PLCH2: variants seen among roughly 807,000 people sequenced by gnomAD.
PLCH2 encodes phospholipase C eta 2.
A neutral mutation model predicts 134.7 loss-of-function variants in PLCH2; 98 were observed. The ratio of observed to expected loss-of-function variants is 0.73; its 90% CI spans 0.62 to 0.86. The LOEUF is 0.86. Among genes scored for constraint, PLCH2 ranks in the 40% least tolerant of loss-of-function variants. PLCH2 has a pLI of 0.00. For missense variants in PLCH2, 1,994 were observed against 1,986.6 expected (o/e 1.00, Z -0.07); for synonymous variants, 974 against 827.5 (o/e 1.18, Z -3.04).
intron 2 of PLCH2, among the ~76,000 whole-genome samples, chr1:2,460,696 C>G (rs931156186): frequency 1.3e-5 from 2 of 152,178 alleles, no homozygotes; most frequent in African/African-American, 4.8e-5. Context: ...GCTGGTGAGG[C>G]TGAAGGGGCT....
intron 20 of PLCH2, 117 bp downstream of exon 20, chr1:2,499,837 G>T (rs925315356): frequency 8.6e-6 from 7 of 810,708 alleles, no homozygotes; most frequent in Non-Finnish European, 1.4e-5. Context: ...GAGGCCTAGG[G>T]TCCCCTCCCC....
rs183978068 is a variant in PLCH2, at chr1:2,483,977, T to C, written c.646-471T>C. Among the ~76,000 whole-genome samples, 8 of 73,358 alleles carry C rather than the reference T, an allele frequency of 1.1e-4. 3 individuals carry two copies. Among genetic ancestry groups the C allele is most frequent in the African/African-American group, 5.2e-4 (8 of 15,452 alleles). 48.1% of individuals were successfully genotyped at this position (73,358 alleles called of 152,430 possible). On this transcript the variant is annotated intron_variant, in intron 4 of 21. Transcript: ENST00000378486. ...GACTCCCGTGTGGGGGGGCGCTGAC[T>C]CCCGTGTGGGGGGGCGCTGACTCCC...
chr1:2,487,275 C>A lies in PLCH2; in HGVS notation c.1013C>A (p.Thr338Asn), dbSNP rs754490334. 1.9e-6 allele frequency: 3 copies of A among 1,613,750 alleles called. No individual in the cohort carries two copies. The highest frequency in any genetic ancestry group is 2.2e-5 in the South Asian group (2 of 91,010). The change falls in exon 7 of 22, where the codon ACC (threonine) becomes AAC (asparagine). Residue 338 changes from threonine to asparagine, a missense_variant. Coordinates refer to ENST00000378486, the MANE Select transcript of PLCH2 (RefSeq NM_014638.4). The part of the protein sequence containing the change: ...MTQPLSHYFI[T>N]SSHNTYLVGD... ...CAGCCGCTGAGCCACTACTTCATCA[C>A]CTCGTCCCACAACACCTACCTCGTG...
chr1:2,498,524 C>A lies in PLCH2; in HGVS notation c.2226C>A (p.Gly742=). Residue 742 remains glycine (G), a splice_region_variant and synonymous_variant, in exon 17 of 22, where the codon GGC becomes GGA. Transcript: ENST00000378486. The surrounding 1 kb of genome is among the most constrained non-coding windows in gnomAD (Gnocchi z 5.4). The part of the protein sequence containing the change: ...YVLKPGCMCQ[G]VFNPNSEDPL... ...ACCACCTCCCCGGCATCCCCTCAGG[C>A]GTGTTCAACCCCAACTCGGAGGACC... 6.2e-7 allele frequency: 1 copy of A among 1,607,790 alleles called. No individual in the cohort carries two copies. Among genetic ancestry groups the A allele is most frequent in the South Asian group, 1.1e-5 (1 of 90,240 alleles).
At chr1:2,471,328 G>T (rs1208674114), upstream of PLCH2, among the ~76,000 whole-genome samples, 1 of 152,050 alleles carries the variant, frequency 6.6e-6, no homozygotes, top group African/African-American at 2.4e-5. Context: ...TGGAGGCCTG[G>T]GCTGGGCAGG....
At position 2,489,191 on chromosome 1, in the gene PLCH2, T is replaced by G. The variant is rs561439518; in HGVS notation, c.1236-16T>G. 2.0e-5 allele frequency: 32 copies of G among 1,611,964 alleles called. No homozygotes were observed. Among genetic ancestry groups the G allele is most frequent in the Non-Finnish European group, 2.5e-5 (30 of 1,178,702 alleles). On this transcript the variant is annotated splice_polypyrimidine_tract_variant and intron_variant, in intron 8 of 21. Transcript: ENST00000378486. ...GGCCCTGGCCTCATCCTGCTCTTTCTGCCTTGGGGCCACAGGTACCCAGTG... is the reference window on the plus strand; with the variant it reads ...GGCCCTGGCCTCATCCTGCTCTTTCGGCCTTGGGGCCACAGGTACCCAGTG...
chr1:2,503,823 C>T lies in PLCH2; in HGVS notation c.2960-99C>T, dbSNP rs1643372875. ...GACCCTCGGCACAGGGCACCGGGGA[C>T]ACCACCCTGATCCGACTCCTCTCCG... On this transcript the variant is annotated intron_variant, in intron 21 of 21. Transcript: ENST00000378486. The T allele has an allele frequency of 4.8e-6, 3 of 628,516 alleles. No individual in the cohort carries two copies. The South Asian group carries it at 5.4e-5, about 11-fold the overall frequency. 38.9% of individuals were successfully genotyped at this position (628,516 alleles called of 1,614,324 possible). A position where few individuals can be genotyped will look rare whatever the true frequency, so the allele number is the denominator to read the frequency against.
At chr1:2,429,106 C>T (rs1375333027) in intron 1 of PLCH2, among the ~76,000 whole-genome samples, 1 of 151,996 alleles carries the variant, frequency 6.6e-6, no homozygotes, top group African/African-American at 2.4e-5. Flanking sequence ...GGACAGGTGG[C>T]CAAGGGGCCC....
At chr1:2,502,047 T>C in intron 20 of PLCH2, 65 bp from the exon 21 acceptor site, 1 of 1,357,996 alleles carries the variant, frequency 7.4e-7, no homozygotes. Context: ...GAGCTGGCCC[T>C]GGGGGAGCAG....
intron 4 of PLCH2, among the ~76,000 whole-genome samples, chr1:2,481,149 C>T (rs1444005135): frequency 6.7e-6 from 1 of 150,076 alleles, no homozygotes; most frequent in Non-Finnish European, 1.5e-5. Context: ...GTGTCCAGCC[C>T]CTGCCAGCTC....
chr1:2,473,534 T>C (rs1384930853), upstream of PLCH2, among the ~76,000 whole-genome samples: 1 of 152,210 alleles, frequency 6.6e-6, no homozygotes, highest in Non-Finnish European at 1.5e-5. Flanking sequence ...AGCTGGACCC[T>C]GGACACCAGT....
upstream of PLCH2, among the ~76,000 whole-genome samples, chr1:2,473,354 A>G (rs1257204966): frequency 2.0e-5 from 3 of 152,178 alleles, no homozygotes; most frequent in Non-Finnish European, 4.4e-5. Flanking sequence ...CCAGGGGATC[A>G]CGGGCGCATT....
chr1:2,481,106 G>A (rs750246390), intron 4 of PLCH2, among the ~76,000 whole-genome samples: 13 of 152,330 alleles, frequency 8.5e-5, no homozygotes, highest in South Asian at 2.1e-4. Flanking sequence ...ACACACACAC[G>A]CATACACATG....
chr1:2,475,218 C>T (rs13376347), upstream of PLCH2, among the ~76,000 whole-genome samples: 2,211 of 152,304 alleles, frequency 0.015, 47 homozygotes, highest in African/African-American at 0.049. Context: ...CCAGGATGCC[C>T]AGCCCTGGCA....
intron 2 of PLCH2, among the ~76,000 whole-genome samples, chr1:2,433,834 C>T (rs1639186947): frequency 6.6e-6 from 1 of 152,238 alleles, no homozygotes; most frequent in Admixed American, 6.5e-5. Flanking sequence ...CTCCCCAAAC[C>T]CCCTCAGAGC....
chr1:2,457,629 C>T (rs1338330364), intron 2 of PLCH2, among the ~76,000 whole-genome samples: 2 of 152,070 alleles, frequency 1.3e-5, no homozygotes, highest in Non-Finnish European at 2.9e-5. Context: ...CCAACAGCGA[C>T]CTGCAGGCAG....
intron 2 of PLCH2, among the ~76,000 whole-genome samples, chr1:2,440,882 C>T (rs58946679): frequency 0.34 from 51,048 of 152,134 alleles, 9,185 homozygotes; most frequent in East Asian, 0.52. Flanking sequence ...TGCTTGGCCA[C>T]GTCCCCCCGG....
chr1:2,485,051 CATG>C (rs1253497029), intron 5 of PLCH2, among the ~76,000 whole-genome samples: 1 of 152,144 alleles, frequency 6.6e-6, no homozygotes, highest in Non-Finnish European at 1.5e-5. Context: ...GTTCCAGCCA[CATG>C]GGTCTGGCTG....
intron 1 of PLCH2, chr1:2,426,170 G>A (rs1557931233): frequency 6.6e-6 from 1 of 152,274 alleles, no homozygotes; most frequent in African/African-American, 2.4e-5. Flanking sequence ...ACCCATCAGA[G>A]CCTTTCACCA....
Sources: gnomAD v4.1 joint callset for allele counts (sites outside exome capture counted in the v4.1 genomes callset) on GRCh38, gnomAD v4.1.1 for gene constraint, Gnocchi (gnomAD v3.1) non-coding constraint, MANE v1.5 for transcripts, NCBI Gene and HGNC (gene_info 2026-07-23, HGNC 2026-07-21) for gene names.